ATP8A2: variants seen among roughly 807,000 people sequenced by gnomAD.
ATP8A2 encodes ATPase phospholipid transporting 8A2.
A neutral mutation model predicts 165.6 loss-of-function variants in ATP8A2; 100 were observed. The observed-to-expected ratio is 0.60, with a 90% CI of 0.51 to 0.71. The LOEUF is 0.71. Ranked by LOEUF, ATP8A2 falls within the 30% of genes least tolerant of loss-of-function variation. The pLI, the probability that ATP8A2 is intolerant of heterozygous loss-of-function variation, is 0.00. For synonymous variants in ATP8A2, 543 were observed against 548.8 expected (o/e 0.99, Z 0.15); for missense variants, 1,227 against 1,479.5 (o/e 0.83, Z 2.80).
intron 2 of ATP8A2, among the ~76,000 whole-genome samples, chr13:25,476,444 A>G (rs1038409785): frequency 6.6e-6 from 1 of 152,150 alleles, no homozygotes; most frequent in East Asian, 1.9e-4. Context: ...ACCCGCCACC[A>G]CGGCCAGCTA....
chr13:25,625,177 CTT>C (rs2041070325), intron 24 of ATP8A2, among the ~76,000 whole-genome samples: 1 of 152,150 alleles, frequency 6.6e-6, no homozygotes, highest in Non-Finnish European at 1.5e-5. Flanking sequence ...TGGAGATACT[CTT>C]CATGAGGAGT....
intron 33 of ATP8A2, among the ~76,000 whole-genome samples, chr13:25,913,013 A>G (rs530454116): frequency 1.3e-5 from 2 of 152,318 alleles, no homozygotes; most frequent in East Asian, 3.9e-4. Context: ...TATCATCCCT[A>G]CGTGTAGGTT....
At chr13:25,453,015 A>G (rs1425610656) in intron 1 of ATP8A2, among the ~76,000 whole-genome samples, 2 of 151,830 alleles carry the variant, frequency 1.3e-5, no homozygotes, top group Non-Finnish European at 2.9e-5. Flanking sequence ...GAATCGCTTG[A>G]GCCCAGGAGG....
At chr13:25,899,555 T>A (rs1953671905) in intron 33 of ATP8A2, among the ~76,000 whole-genome samples, 1 of 152,138 alleles carries the variant, frequency 6.6e-6, no homozygotes, top group Non-Finnish European at 1.5e-5. Context: ...AGGGCCACTA[T>A]CTCGACTGAG....
intron 36 of ATP8A2, among the ~76,000 whole-genome samples, chr13:26,016,177 T>G (rs909056061): frequency 2.0e-5 from 3 of 152,246 alleles, no homozygotes; most frequent in Non-Finnish European, 4.4e-5. Flanking sequence ...GAGTCCACTT[T>G]CATTCTCGGT....
chr13:25,677,158 C>A (rs187748764), intron 24 of ATP8A2, among the ~76,000 whole-genome samples: 10 of 152,200 alleles, frequency 6.6e-5, no homozygotes, highest in Non-Finnish European at 1.5e-5. Flanking sequence ...AAGTCTGCTG[C>A]CCACTGTGGT....
At chr13:25,440,383 G>A (rs563782717) in intron 1 of ATP8A2, among the ~76,000 whole-genome samples, 17 of 152,102 alleles carry the variant, frequency 1.1e-4, no homozygotes, top group African/African-American at 3.9e-4. Flanking sequence ...ATTAGACATT[G>A]CTCCCCCTCG....
intron 24 of ATP8A2, among the ~76,000 whole-genome samples, chr13:25,683,871 T>A (rs2042546476): frequency 6.6e-6 from 1 of 152,160 alleles, no homozygotes; most frequent in African/African-American, 2.4e-5. Flanking sequence ...TCCTGGCATA[T>A]CTTTTTTACC....
intron 25 of ATP8A2, among the ~76,000 whole-genome samples, chr13:25,730,154 G>A (rs1013693773): frequency 6.6e-6 from 1 of 152,100 alleles, no homozygotes; most frequent in African/African-American, 2.4e-5. Context: ...AACCAGGCAT[G>A]GTGCCGTGTG....
chr13:25,674,056 C>T (rs2042320718), intron 24 of ATP8A2, among the ~76,000 whole-genome samples: 2 of 152,178 alleles, frequency 1.3e-5, no homozygotes, highest in African/African-American at 4.8e-5. Context: ...TGGCTACATC[C>T]TGCCATAAAC....
At chr13:25,792,932 G>C (rs929390797) in intron 27 of ATP8A2, among the ~76,000 whole-genome samples, 1 of 148,522 alleles carries the variant, frequency 6.7e-6, no homozygotes, top group Non-Finnish European at 1.5e-5. Context: ...AAGAGAGAGA[G>C]AGAAAGAAGA....
intron 33 of ATP8A2, among the ~76,000 whole-genome samples, chr13:25,915,806 T>C (rs1051604883): frequency 6.6e-6 from 1 of 152,210 alleles, no homozygotes; most frequent in Admixed American, 6.5e-5. Flanking sequence ...GCAACTGCAG[T>C]GCCTAGCACC....
chr13:25,542,748 G>A (rs2038522781), intron 9 of ATP8A2, among the ~76,000 whole-genome samples: 1 of 151,948 alleles, frequency 6.6e-6, no homozygotes, highest in African/African-American at 2.4e-5. Flanking sequence ...CTGCTTCTTG[G>A]TTTCATTTAG....
At position 25,732,861 on chromosome 13, in the gene ATP8A2, A is replaced by T. The variant is rs1009479638; in HGVS notation, c.2384+33516A>T. ...CCCACAGGTGTGAATAAACCTGGAAAGCATAAACATTTGGAAGTTATTGAA... is the reference window on the plus strand; with the variant it reads ...CCCACAGGTGTGAATAAACCTGGAATGCATAAACATTTGGAAGTTATTGAA... On this transcript the variant is annotated intron_variant, in intron 25 of 36. Coordinates refer to ENST00000381655, the MANE Select transcript of ATP8A2 (RefSeq NM_016529.6). Among the ~76,000 whole-genome samples the T allele has an allele frequency of 2.0e-5, 3 of 152,188 alleles. No individual in the cohort carries two copies. In the South Asian group the frequency reaches 6.2e-4, roughly 32 times the overall value.
chr13:25,540,243 A>G (rs2038427852), intron 7 of ATP8A2, 76 bp from the exon 8 acceptor site: 4 of 1,093,628 alleles, frequency 3.7e-6, no homozygotes, highest in South Asian at 1.3e-5. Flanking sequence ...CACAGATTCC[A>G]TAATAGAGAT....
Position 26,002,096 on chromosome 13 carries a change from G to A in ATP8A2, c.3378-10435G>A, listed in dbSNP as rs9578950. The stretch of plus-strand genomic sequence containing the variant: ...ATACAATGTGAAATGATTAAATCAA[G>A]CTAATTAACATTGTCATCACCTCAC... On this transcript the variant is annotated intron_variant, in intron 35 of 36. Transcript: ENST00000381655. Among the ~76,000 whole-genome samples, 32 of 152,284 alleles carry A rather than the reference G, an allele frequency of 2.1e-4. No homozygotes were observed. In the South Asian group the frequency reaches 6.2e-3, roughly 30 times the overall value.
At chr13:25,864,928 C>T (rs1052049038) in intron 33 of ATP8A2, among the ~76,000 whole-genome samples, 6 of 152,220 alleles carry the variant, frequency 3.9e-5, no homozygotes, top group Admixed American at 3.9e-4. Context: ...AACTTTTACA[C>T]TGTTTCACCT....
intron 5 of ATP8A2, 31 bp downstream of exon 5, chr13:25,532,348 C>G (rs763931648): frequency 6.4e-7 from 1 of 1,559,838 alleles, no homozygotes; most frequent in South Asian, 1.2e-5. Context: ...ACTTTTTCCA[C>G]TGGAAAACTT....
intron 24 of ATP8A2, among the ~76,000 whole-genome samples, chr13:25,671,368 A>G (rs920474921): frequency 3.3e-5 from 5 of 152,346 alleles, no homozygotes; most frequent in African/African-American, 1.2e-4. Flanking sequence ...AAAGAACAGG[A>G]TAACAGCAAT....
Sources: allele counts gnomAD v4.1 joint callset (sites outside exome capture counted in the v4.1 genomes callset), GRCh38; gene constraint gnomAD v4.1.1; transcripts MANE v1.5; gene names NCBI Gene and HGNC (gene_info 2026-07-23, HGNC 2026-07-21).